NOX4: variants seen among roughly 807,000 people sequenced by gnomAD.
The protein encoded by NOX4 is NADPH oxidase 4.
Under a neutral mutation model 87.6 loss-of-function variants are expected in NOX4, and 69 were observed. That is an observed-to-expected ratio of 0.79 (90% CI 0.65 to 0.96). The LOEUF is 0.96. Ranked by LOEUF, NOX4 falls within the 40% of genes least tolerant of loss-of-function variation. The probability of loss-of-function intolerance (pLI) is 0.00; values close to 1 mark genes in which losing one functional copy is unlikely to be tolerated. For synonymous variants in NOX4, 275 were observed against 238.2 expected, an observed-to-expected ratio of 1.15 and a Z score of -1.42; for missense variants, 680 against 681.5, an observed-to-expected ratio of 1.00 and a Z score of 0.02.
the NOX4 span, among the ~76,000 whole-genome samples, chr11:89,582,965 T>C: frequency 0.34 from 50,984 of 152,062 alleles, 8,864 homozygotes; most frequent in Middle Eastern, 0.4. Context: ...GGTCTGGTCC[T>C]AGCCTGCTAT....
At chr11:89,372,143 A>T (rs574931012) in intron 12 of NOX4, among the ~76,000 whole-genome samples, 30 of 151,144 alleles carry the variant, frequency 2.0e-4, no homozygotes, top group Non-Finnish European at 3.9e-4. Flanking sequence ...CTTAACTTGT[A>T]TTCACAAATC....
At chr11:89,473,875 C>T (rs950660288) in intron 2 of NOX4, among the ~76,000 whole-genome samples, 4 of 152,110 alleles carry the variant, frequency 2.6e-5, no homozygotes, top group Admixed American at 1.3e-4. Flanking sequence ...AGAGAAAGAA[C>T]TCTGTATGCA....
the NOX4 span, among the ~76,000 whole-genome samples, chr11:89,537,578 C>T: frequency 2.6e-5 from 4 of 151,598 alleles, no homozygotes; most frequent in African/African-American, 9.7e-5. Context: ...TTTCAAAATG[C>T]AAGTATTAAG....
chr11:89,351,457 T>G (rs190931153), intron 13 of NOX4, among the ~76,000 whole-genome samples: 9 of 152,260 alleles, frequency 5.9e-5, no homozygotes, highest in African/African-American at 1.2e-4. Context: ...AAACAACAGA[T>G]TTTCAATGTA....
chr11:89,560,173 G>A, the NOX4 span, among the ~76,000 whole-genome samples: 2 of 152,066 alleles, frequency 1.3e-5, no homozygotes, highest in African/African-American at 4.8e-5. Context: ...AAAACACACA[G>A]GGAGAATGCC....
At chr11:89,422,409 G>C (rs1041795470) in intron 7 of NOX4, among the ~76,000 whole-genome samples, 4 of 152,086 alleles carry the variant, frequency 2.6e-5, no homozygotes, top group African/African-American at 7.2e-5. Flanking sequence ...CTCAAAAAGA[G>C]ATAAATGAAA....
At chr11:89,427,592 C>T (rs368758365) in intron 7 of NOX4, among the ~76,000 whole-genome samples, 189 of 152,066 alleles carry the variant, frequency 1.2e-3, no homozygotes, top group South Asian at 8.9e-3. Context: ...CTTCAGTAGC[C>T]GATTCAATCA....
At chr11:89,564,377 G>T in the NOX4 span, among the ~76,000 whole-genome samples, 1 of 152,134 alleles carries the variant, frequency 6.6e-6, no homozygotes, top group Non-Finnish European at 1.5e-5. Flanking sequence ...AGGGGAAGGT[G>T]CTATACATTT....
intron 12 of NOX4, among the ~76,000 whole-genome samples, chr11:89,367,619 C>T (rs1939105602): frequency 1.3e-5 from 2 of 152,042 alleles, no homozygotes; most frequent in Non-Finnish European, 1.5e-5. Flanking sequence ...ATTTGCTTGA[C>T]ACTAAAAAAT....
chr11:89,500,353 G>C (rs934148006), upstream of NOX4, among the ~76,000 whole-genome samples: 14 of 152,060 alleles, frequency 9.2e-5, no homozygotes, highest in African/African-American at 2.4e-4. Flanking sequence ...AAATTTGTAT[G>C]TGTTCAATTA....
chr11:89,487,739 T>C (rs1455795388), intron 2 of NOX4, among the ~76,000 whole-genome samples: 2 of 152,192 alleles, frequency 1.3e-5, no homozygotes, highest in Non-Finnish European at 2.9e-5. Context: ...TAATAACATA[T>C]AGTTCTTAAA....
intron 2 of NOX4, among the ~76,000 whole-genome samples, chr11:89,484,401 G>A (rs759749175): frequency 1.3e-5 from 2 of 152,126 alleles, no homozygotes; most frequent in African/African-American, 2.4e-5. Context: ...TATTTTGAGA[G>A]TAAATCAATC....
intron 11 of NOX4, among the ~76,000 whole-genome samples, chr11:89,398,969 T>C (rs1482248483): frequency 6.6e-6 from 1 of 151,960 alleles, no homozygotes; most frequent in Non-Finnish European, 1.5e-5. Flanking sequence ...TAGAAACTCA[T>C]GTATGCAGAA....
At chr11:89,511,627 T>G in the NOX4 span, among the ~76,000 whole-genome samples, 1 of 151,978 alleles carries the variant, frequency 6.6e-6, no homozygotes, top group Non-Finnish European at 1.5e-5. Flanking sequence ...TCAGAAATAG[T>G]CTATTTCCTC....
At chr11:89,578,621 A>G in the NOX4 span, among the ~76,000 whole-genome samples, 1 of 152,318 alleles carries the variant, frequency 6.6e-6, no homozygotes, top group South Asian at 2.1e-4. Context: ...TCAGTTAATA[A>G]GACAAACTTT....
the NOX4 span, among the ~76,000 whole-genome samples, chr11:89,583,516 T>G: frequency 2.0e-5 from 3 of 152,188 alleles, no homozygotes; most frequent in African/African-American, 4.8e-5. Context: ...TCCATTCCAG[T>G]GGCAACAAAC....
chr11:89,517,184 G>C, the NOX4 span, among the ~76,000 whole-genome samples: 1 of 151,950 alleles, frequency 6.6e-6, no homozygotes, highest in Non-Finnish European at 1.5e-5. Context: ...GTATATGTCA[G>C]ACATATTTAA....
intron 5 of NOX4, 96 bp downstream of exon 5, chr11:89,444,039 G>C (rs1944572782): frequency 3.1e-6 from 3 of 953,752 alleles, no homozygotes; most frequent in Non-Finnish European, 3.4e-6. Flanking sequence ...CACTCAAAAG[G>C]AGCAGTAAGG....
chr11:89,411,237 T>A (rs1490142506), intron 8 of NOX4, among the ~76,000 whole-genome samples: 3 of 152,270 alleles, frequency 2.0e-5, no homozygotes, highest in Non-Finnish European at 4.4e-5. Context: ...CACGCAGTAC[T>A]CGCCATGGGC....
Sources: allele counts gnomAD v4.1 joint callset (sites outside exome capture counted in the v4.1 genomes callset), GRCh38; gene constraint gnomAD v4.1.1; transcripts MANE v1.5; gene names NCBI Gene and HGNC (gene_info 2026-07-23, HGNC 2026-07-21).